The following GRIA3 variants were observed in gnomAD, a reference collection of about 807,000 sequenced individuals.
GRIA3 encodes the protein glutamate ionotropic receptor AMPA type subunit 3.
A neutral mutation model predicts 63.0 loss-of-function variants in GRIA3; 3 were observed. The ratio of observed to expected loss-of-function variants is 0.05; its 90% CI spans 0.02 to 0.12. The LOEUF is 0.12. Ranked by LOEUF, GRIA3 falls within the 10% of genes least tolerant of loss-of-function variation. GRIA3 has a pLI of 1.00. For missense variants in GRIA3, 347 were observed against 700.9 expected (o/e 0.50, Z 5.70); for synonymous variants, 274 against 257.9 (o/e 1.06, Z -0.60).
chrX:123,478,582 A>G (rs902563149), intron 13 of GRIA3, among the ~76,000 whole-genome samples: 18 of 112,449 alleles, frequency 1.6e-4, no homozygotes, highest in Middle Eastern at 4.7e-3. Context: ...TGAAGATAAG[A>G]TAGCCCCTCT....
chrX:123,362,575 C>G (rs770146419), intron 5 of GRIA3, among the ~76,000 whole-genome samples: 2 of 110,556 alleles, frequency 1.8e-5, no homozygotes, highest in Admixed American at 9.7e-5. Context: ...AGAGTTTTAC[C>G]CTTTTTTCAA....
intron 13 of GRIA3, among the ~76,000 whole-genome samples, chrX:123,471,652 T>C (rs1466780286): frequency 9.0e-6 from 1 of 111,113 alleles, no homozygotes; most frequent in African/African-American, 3.3e-5. Context: ...TTGGTTTCCT[T>C]TCATTTGAAG....
intron 7 of GRIA3, among the ~76,000 whole-genome samples, chrX:123,399,667 C>T (rs1323149414): frequency 8.9e-6 from 1 of 111,973 alleles, no homozygotes; most frequent in Admixed American, 9.5e-5. Flanking sequence ...ATTTAGTTAT[C>T]CTGATGTTTG....
chrX:123,307,173 A>C (rs2044760199), intron 3 of GRIA3, among the ~76,000 whole-genome samples: 1 of 111,750 alleles, frequency 8.9e-6, no homozygotes, highest in Non-Finnish European at 1.9e-5. Flanking sequence ...ATCAAGGCAA[A>C]GCCAGGACAA....
chrX:123,455,351 T>C (rs1224253968), intron 12 of GRIA3, among the ~76,000 whole-genome samples: 2 of 111,969 alleles, frequency 1.8e-5, no homozygotes, highest in East Asian at 2.8e-4. Context: ...ATTGGGGTTT[T>C]GGCCATGCTT....
Position 123,184,596 on chromosome X carries a change from G to T in GRIA3, c.61G>T (p.Gly21Trp), listed in dbSNP as rs761311137. Residue 21 changes from glycine (G) to tryptophan (W), a missense_variant, in exon 1 of 16, where the codon GGG becomes TGG. Around this residue, in one of 8 missense-constraint regions of GRIA3, gnomAD observed 36 missense variants for 28.2 expected, o/e 1.28. Coordinates refer to ENST00000620443, the MANE Select transcript of GRIA3 (RefSeq NM_007325.5). ...CCGGGCGGTCTTCTTTTTAGTCCTG[G>T]GGCTTTTGGGTCATTCTCACGGAGG... ...VLRAVFFLVL[G>W]LLGHSHGGFP... The T allele has an allele frequency of 8.3e-7, 1 of 1,208,981 alleles. No homozygotes were observed. The highest frequency in any genetic ancestry group is 1.1e-6 in the Non-Finnish European group (1 of 893,548).
intron 2 of GRIA3, among the ~76,000 whole-genome samples, chrX:123,200,598 CACACATACAT>C (rs72236538): frequency 0.13 from 10,451 of 79,336 alleles, 684 homozygotes; most frequent in Middle Eastern, 0.26. Flanking sequence ...TATACACACA[CACACATACAT>C]ACACACACAC....
chrX:123,227,343 C>A (rs1045581338), intron 2 of GRIA3, among the ~76,000 whole-genome samples: 1 of 111,578 alleles, frequency 9.0e-6, no homozygotes, highest in African/African-American at 3.3e-5. Context: ...CAGTACCTAA[C>A]AGTGGAGCTA....
At chrX:123,204,807 C>T (rs994869692) in intron 2 of GRIA3, 8 of 290,689 alleles carry the variant, frequency 2.8e-5, no homozygotes, top group Non-Finnish European at 4.3e-5. Context: ...TCAGCTTTGA[C>T]CTGGAAATCC....
intron 7 of GRIA3, among the ~76,000 whole-genome samples, chrX:123,400,853 C>A (rs1430121127): frequency 4.5e-5 from 5 of 112,036 alleles, no homozygotes; most frequent in Non-Finnish European, 7.5e-5. Context: ...TAATCATTCT[C>A]CTCACAATCT....
intron 3 of GRIA3, among the ~76,000 whole-genome samples, chrX:123,272,869 G>T (rs2044531886): frequency 9.0e-6 from 1 of 111,383 alleles, no homozygotes; most frequent in Admixed American, 9.5e-5. Flanking sequence ...ACATTCCCTG[G>T]CTCTGAGATC....
chrX:123,204,232 G>A (rs1221342929), intron 2 of GRIA3, among the ~76,000 whole-genome samples: 7 of 111,768 alleles, frequency 6.3e-5, no homozygotes, highest in Non-Finnish European at 1.1e-4. Flanking sequence ...CAGTAACCCC[G>A]CAGATCACAC....
chrX:123,357,932 C>A, intron 5 of GRIA3, among the ~76,000 whole-genome samples: 1 of 111,079 alleles, frequency 9.0e-6, no homozygotes, highest in South Asian at 3.9e-4. Context: ...TATCAAATTG[C>A]ATTTGGGTAA....
intron 12 of GRIA3, among the ~76,000 whole-genome samples, chrX:123,429,359 T>C (rs1324826796): frequency 1.8e-5 from 2 of 112,213 alleles, no homozygotes; most frequent in Non-Finnish European, 3.8e-5. Flanking sequence ...GTATTAGTCC[T>C]GGGACCCTTT....
At chrX:123,436,843 T>C (rs1024942446) in intron 12 of GRIA3, among the ~76,000 whole-genome samples, 3 of 111,165 alleles carry the variant, frequency 2.7e-5, no homozygotes, top group Non-Finnish European at 5.7e-5. Flanking sequence ...AATCATCTAA[T>C]AGCCTTCCAG....
chrX:123,484,684 T>C (rs1029851038), intron 15 of GRIA3, among the ~76,000 whole-genome samples: 1 of 111,591 alleles, frequency 9.0e-6, no homozygotes, highest in Non-Finnish European at 1.9e-5. Context: ...AGTTTCACCA[T>C]GTTGGCCAGG....
At chrX:123,319,404 A>G (rs1435654464) in intron 3 of GRIA3, among the ~76,000 whole-genome samples, 3 of 112,184 alleles carry the variant, frequency 2.7e-5, no homozygotes, top group East Asian at 2.8e-4. Flanking sequence ...CTGCATTACA[A>G]TCCATTTTGC....
chrX:123,284,714 A>G (rs1385516322), intron 3 of GRIA3, among the ~76,000 whole-genome samples: 1 of 111,792 alleles, frequency 8.9e-6, no homozygotes, highest in Admixed American at 9.5e-5. Context: ...AAGAATGTAA[A>G]GGAACAAACA....
intron 4 of GRIA3, among the ~76,000 whole-genome samples, chrX:123,336,747 G>C (rs2044977010): frequency 1.8e-5 from 2 of 111,867 alleles, no homozygotes; most frequent in Non-Finnish European, 3.8e-5. Flanking sequence ...CAATCTGGCT[G>C]AGTTCTATCT....
Sources: gnomAD v4.1 joint callset for allele counts (sites outside exome capture counted in the v4.1 genomes callset) on GRCh38, gnomAD v4.1.1 for gene constraint, gnomAD v4.1.1 regional missense constraint, MANE v1.5 for transcripts, NCBI Gene and HGNC (gene_info 2026-07-23, HGNC 2026-07-21) for gene names.